The following CA10 variants were observed in gnomAD, a reference collection of about 807,000 sequenced individuals.
CA10 encodes the protein carbonic anhydrase-related protein 10.
CA10 carries 14 observed loss-of-function variants against 44.2 expected under a neutral mutation model. The ratio of observed to expected loss-of-function variants is 0.32; its 90% CI spans 0.21 to 0.50. The LOEUF (loss-of-function observed/expected upper bound fraction) is 0.50, where lower values mean the gene tolerates loss of function less well. Ranked by LOEUF, CA10 falls within the 20% of genes least tolerant of loss-of-function variation. The pLI, the probability that CA10 is intolerant of heterozygous loss-of-function variation, is 0.99. For missense variants in CA10, 350 were observed against 409.7 expected (o/e 0.85, Z 1.26); for synonymous variants, 159 against 141.6 (o/e 1.12, Z -0.87).
intron 4 of CA10, among the ~76,000 whole-genome samples, chr17:51,700,105 G>C (rs1915542125): frequency 6.6e-6 from 1 of 152,180 alleles, no homozygotes; most frequent in Non-Finnish European, 1.5e-5. Flanking sequence ...CGATGCTGCA[G>C]AGAGAACTAG....
At chr17:51,914,143 T>TA (rs1981896918) in intron 3 of CA10, among the ~76,000 whole-genome samples, 1 of 152,174 alleles carries the variant, frequency 6.6e-6, no homozygotes, top group Non-Finnish European at 1.5e-5. Flanking sequence ...ATGTGCCTAT[T>TA]ACGGTTTCCA....
chr17:52,142,528 G>C (rs1989504409), intron 1 of CA10, among the ~76,000 whole-genome samples: 1 of 151,674 alleles, frequency 6.6e-6, no homozygotes, highest in Admixed American at 6.6e-5. Context: ...GAAAATACTT[G>C]GAAAATGGTT....
chr17:52,017,591 T>TAC (rs1445488273), intron 2 of CA10, among the ~76,000 whole-genome samples: 1 of 152,138 alleles, frequency 6.6e-6, no homozygotes, highest in Admixed American at 6.5e-5. Context: ...TCTAACAGCC[T>TAC]ACAGTTAATT....
At chr17:51,762,390 G>A (rs1479352210) in intron 3 of CA10, 2 of 152,234 alleles carry the variant, frequency 1.3e-5, no homozygotes, top group Non-Finnish European at 2.9e-5. Context: ...TTTCCCAGAG[G>A]AGTGGGCATT....
At chr17:51,855,099 G>C (rs1978981457) in intron 3 of CA10, among the ~76,000 whole-genome samples, 1 of 152,112 alleles carries the variant, frequency 6.6e-6, no homozygotes, top group Non-Finnish European at 1.5e-5. Flanking sequence ...ATCACCCCGG[G>C]TGTGCCTATG....
At chr17:52,150,260 A>G (rs1989675186) in intron 1 of CA10, among the ~76,000 whole-genome samples, 1 of 152,168 alleles carries the variant, frequency 6.6e-6, no homozygotes, top group Admixed American at 6.5e-5. Context: ...TATTAACGCT[A>G]CTTACTCTCC....
In CA10 at chr17:51,691,063, AC is replaced by A. The variant is rs1278730301; in HGVS notation, c.466-37328del. Among the ~76,000 whole-genome samples the A allele has an allele frequency of 1.2e-4, 19 of 152,316 alleles. 1 individual carries two copies. The East Asian group carries it at 3.5e-3, about 28-fold the overall frequency. The stretch of plus-strand genomic sequence containing the variant: ...TGGGATGCAGATATCATTTCAATAT[AC>A]TGATTCCATATCCTTTGGGCATATA... On this transcript the variant is annotated intron_variant, in intron 4 of 8. Coordinates refer to ENST00000451037, the MANE Select transcript of CA10 (RefSeq NM_020178.5).
intron 2 of CA10, among the ~76,000 whole-genome samples, chr17:52,025,082 C>G (rs1986258520): frequency 6.6e-6 from 1 of 151,912 alleles, no homozygotes; most frequent in South Asian, 2.1e-4. Context: ...CCCTCCCAAC[C>G]CCTGGTCCAT....
At chr17:51,936,092 AAATTC>A (rs1982854227) in intron 2 of CA10, among the ~76,000 whole-genome samples, 1 of 152,192 alleles carries the variant, frequency 6.6e-6, no homozygotes, top group Non-Finnish European at 1.5e-5. Flanking sequence ...GCAACAAGAT[AAATTC>A]AATTCAAAAG....
intron 1 of CA10, among the ~76,000 whole-genome samples, chr17:52,140,141 G>A (rs989205197): frequency 6.6e-6 from 1 of 152,154 alleles, no homozygotes; most frequent in Non-Finnish European, 1.5e-5. Flanking sequence ...TGATAAAAAT[G>A]TTCCACATCT....
rs144736176 is a variant in CA10 at position 51,812,878 on chromosome 17, G to A, written c.280-65060C>T. On this transcript the variant is annotated intron_variant, in intron 3 of 8. Coordinates refer to ENST00000451037, the MANE Select transcript of CA10 (RefSeq NM_020178.5). Reference sequence around the variant, plus strand: ...TTGGAGTACTGATGAGAGCCATCAGGATGAGGGGACCTGCTTAACCATCTC... The same window carrying A: ...TTGGAGTACTGATGAGAGCCATCAGAATGAGGGGACCTGCTTAACCATCTC... Among the ~76,000 whole-genome samples, 553 of 152,318 alleles carry A rather than the reference G, an allele frequency of 3.6e-3. 2 individuals are homozygous for A. Among genetic ancestry groups the A allele is most frequent in the African/African-American group, 0.013 (525 of 41,562 alleles).
intron 4 of CA10, among the ~76,000 whole-genome samples, chr17:51,702,536 G>T (rs1308755139): frequency 6.6e-6 from 1 of 152,176 alleles, no homozygotes; most frequent in Admixed American, 6.5e-5. Flanking sequence ...TCACTTTCAT[G>T]AAGGCAGAGG....
At chr17:52,124,636 C>T (rs1453724519) in intron 1 of CA10, among the ~76,000 whole-genome samples, 1 of 152,192 alleles carries the variant, frequency 6.6e-6, no homozygotes, top group Admixed American at 6.5e-5. Context: ...CATGACTGCT[C>T]ATTATTCCCA....
At chr17:52,074,657 T>A (rs1010440345) in intron 1 of CA10, among the ~76,000 whole-genome samples, 5 of 152,156 alleles carry the variant, frequency 3.3e-5, no homozygotes, top group Non-Finnish European at 5.9e-5. Context: ...TACAAAAAAA[T>A]TTTTACAGTG....
chr17:52,120,099 C>T (rs902693015), intron 1 of CA10, among the ~76,000 whole-genome samples: 2 of 152,216 alleles, frequency 1.3e-5, no homozygotes, highest in Non-Finnish European at 2.9e-5. Flanking sequence ...AAGCCCCATG[C>T]ACCCAAATCT....
intron 4 of CA10, among the ~76,000 whole-genome samples, chr17:51,710,108 T>C: frequency 6.6e-6 from 1 of 152,124 alleles, no homozygotes; most frequent in East Asian, 1.9e-4. Flanking sequence ...GGAGAAAAGT[T>C]CAATAATTAA....
chr17:51,857,618 C>A (rs746552426), intron 3 of CA10, among the ~76,000 whole-genome samples: 6 of 152,086 alleles, frequency 3.9e-5, no homozygotes, highest in Non-Finnish European at 7.4e-5. Context: ...AACTTACTAT[C>A]GCAACAAACT....
chr17:52,044,618 G>T (rs1178643545), intron 2 of CA10, among the ~76,000 whole-genome samples: 1 of 151,954 alleles, frequency 6.6e-6, no homozygotes, highest in Non-Finnish European at 1.5e-5. Flanking sequence ...AATTTCTTTA[G>T]AGAAATGGAA....
chr17:51,646,057 T>C (rs916227161), intron 6 of CA10, among the ~76,000 whole-genome samples: 1 of 152,198 alleles, frequency 6.6e-6, no homozygotes, highest in Non-Finnish European at 1.5e-5. Context: ...TGCAGACCTG[T>C]AGCTGGAAGC....
Sources: allele counts gnomAD v4.1 joint callset (sites outside exome capture counted in the v4.1 genomes callset), GRCh38; gene constraint gnomAD v4.1.1; transcripts MANE v1.5; gene names NCBI Gene and HGNC (gene_info 2026-07-23, HGNC 2026-07-21).